The following ADGRG4 variants were observed in gnomAD, a reference collection of about 807,000 sequenced individuals.
The protein encoded by ADGRG4 is adhesion G protein-coupled receptor G4.
Under a neutral mutation model 126.2 loss-of-function variants are expected in ADGRG4, and 122 were observed. That is an observed-to-expected ratio of 0.97 (90% CI 0.83 to 1.12). The LOEUF (loss-of-function observed/expected upper bound fraction) is 1.12. ADGRG4 is among the 50% of genes most tolerant of loss of function. The pLI is 0.00. For missense variants in ADGRG4, 2,481 were observed against 2,251.8 expected, an observed-to-expected ratio of 1.10 and a Z score of -2.06; for synonymous variants, 943 against 838.7, an observed-to-expected ratio of 1.12 and a Z score of -2.15.
At chrX:136,378,055 TTGG>T (rs1270815398) in intron 15 of ADGRG4, among the ~76,000 whole-genome samples, 1 of 111,305 alleles carries the variant, frequency 9.0e-6, no homozygotes, top group Non-Finnish European at 1.9e-5. Flanking sequence ...GTTGAAGTTA[TTGG>T]TCAATTTTGG....
At chrX:136,363,360 A>G (rs1241778561) in intron 12 of ADGRG4, 117 bp from the exon 13 acceptor site, 5 of 548,106 alleles carry the variant, frequency 9.1e-6, no homozygotes, top group South Asian at 2.8e-5. Flanking sequence ...TTTGCTTTCT[A>G]TGCCAGGAGG....
rs758504607 is a variant in ADGRG4 at position 136,345,012 on chromosome X, G to T, written c.1306G>T (p.Glu436Ter). The T allele has an allele frequency of 8.3e-7, 1 of 1,211,339 alleles. No individual in the cohort carries two copies. Among genetic ancestry groups the T allele is most frequent in the East Asian group, 3.0e-5 (1 of 33,837 alleles). The stretch of plus-strand genomic sequence containing the variant: ...ACTCCCTATCTCCACAGCTGGCCAG[G>T]AGTTCATTGAATCTACAGCTGCCGG... ...GALPISTAGQ[E>*]FIESTAAGTV... Residue 436 changes from glutamate to a stop codon, truncating the protein, a stop_gained, in exon 6 of 26, where the codon GAG (glutamate) becomes TAG (stop). Coordinates refer to ENST00000394143, the MANE Select transcript of ADGRG4 (RefSeq NM_153834.4). LOFTEE classifies it high-confidence loss of function.
chrX:136,412,096 C>T (rs17002624), intron 23 of ADGRG4, among the ~76,000 whole-genome samples, 169 bp from the exon 24 acceptor site: 1,789 of 112,378 alleles, frequency 0.016, 33 homozygotes, highest in African/African-American at 0.054. Context: ...TTGATATAGA[C>T]ATTTTTGCCT....
intron 20 of ADGRG4, among the ~76,000 whole-genome samples, chrX:136,398,368 A>G (rs774479728): frequency 8.9e-6 from 1 of 112,348 alleles, no homozygotes; most frequent in African/African-American, 3.2e-5. Context: ...TATCAGATAA[A>G]AGACTTGTAT....
At position 136,395,475 on chromosome X, in the gene ADGRG4, C is replaced by T. The variant is rs1473004445; in HGVS notation, c.8166C>T (p.Thr2722=). 1 of 1,168,755 alleles carries T rather than the reference C, an allele frequency of 8.6e-7. No individual in the cohort carries two copies. Among genetic ancestry groups the T allele is most frequent in the African/African-American group, 1.8e-5 (1 of 56,237 alleles). The change falls in exon 19 of 26, where the codon ACC becomes ACT. Residue 2722 remains threonine (T), a synonymous_variant. Transcript: ENST00000394143. ...NYTICQCDHL[T]HFGVLMDLSR... ...CAATCTGTCAGTGTGACCACCTCAC[C>T]CATTTTGGAGTCTTAATGGTGAGTT... is the stretch of plus-strand genomic sequence containing the variant.
intron 5 of ADGRG4, among the ~76,000 whole-genome samples, chrX:136,325,996 C>A (rs763015729): frequency 8.9e-6 from 1 of 112,392 alleles, no homozygotes; most frequent in East Asian, 2.8e-4. Context: ...CAGGCGTGAG[C>A]CAATGCACCC....
At chrX:136,393,674 A>T in intron 18 of ADGRG4, 94 bp downstream of exon 18, 1 of 597,153 alleles carries the variant, frequency 1.7e-6, no homozygotes, top group South Asian at 2.7e-5. Flanking sequence ...CTACTGTCTT[A>T]TCAGACCCTA....
intron 14 of ADGRG4, among the ~76,000 whole-genome samples, chrX:136,372,478 C>T (rs1285097086): frequency 1.8e-5 from 2 of 111,626 alleles, no homozygotes; most frequent in Non-Finnish European, 3.8e-5. Flanking sequence ...ATGTATATAT[C>T]AGGTCATGTC....
rs141744231 is a variant in ADGRG4, at chrX:136,347,762, C to T, written c.4056C>T (p.His1352=). The T allele has an allele frequency of 2.7e-4, 330 of 1,209,137 alleles. No individual in the cohort carries two copies. The African/African-American group carries it at 3.5e-3, about 13-fold the overall frequency. ...CCTCAAGTAACACAGTAGGTGTTCA[C>T]ATTCCAGAAATGTCTACCAGTCTTG... ...TLTSSNTVGV[H]IPEMSTSLGK... is the part of the protein sequence containing the mutation. The change falls in exon 6 of 26, where the codon CAC becomes CAT. Residue 1352 remains histidine, a synonymous_variant. Coordinates refer to ENST00000394143, the MANE Select transcript of ADGRG4 (RefSeq NM_153834.4).
chrX:136,320,109 G>T (rs1343752373), intron 4 of ADGRG4, among the ~76,000 whole-genome samples: 1 of 111,457 alleles, frequency 9.0e-6, no homozygotes, highest in Non-Finnish European at 1.9e-5. Flanking sequence ...AACTCTCCAT[G>T]ACTATAGAGG....
intron 5 of ADGRG4, among the ~76,000 whole-genome samples, chrX:136,323,766 C>T (rs1169523974): frequency 8.9e-6 from 1 of 111,768 alleles, no homozygotes; most frequent in Non-Finnish European, 1.9e-5. Flanking sequence ...TGATACAATA[C>T]TAACATCTAA....
Position 136,371,516 on chromosome X carries a change from G to T in ADGRG4, c.7585G>T (p.Ala2529Ser). The change falls in exon 14 of 26, where the codon GCC (alanine) becomes TCC (serine). Residue 2529 changes from alanine to serine, a missense_variant. Coordinates refer to ENST00000394143, the MANE Select transcript of ADGRG4 (RefSeq NM_153834.4). ...TGTTTTGGAAAAGCAAAACAATTCC[G>T]CCTCTGATCTGCATGAAATAAGCAA... Reference protein sequence around the residue: ...NVVLEKQNNSASDLHEISNEI... With the variant: ...NVVLEKQNNSSSDLHEISNEI... 1 of 1,180,809 alleles carries T rather than the reference G, an allele frequency of 8.5e-7. No homozygotes were observed. The highest frequency in any genetic ancestry group is 1.1e-6 in the Non-Finnish European group (1 of 876,749).
rs138895359 is a variant in ADGRG4, at chrX:136,322,868, G to A, written c.161G>A (p.Arg54Gln). Reference protein sequence around the residue: ...SLIDTIPELSRFTACIDLVFM... With the variant: ...SLIDTIPELSQFTACIDLVFM... ...ATAGATACCATTCCTGAACTCAGCC[G>A]ATTCACAGCATGCATTGATCTGGTA... The change falls in exon 5 of 26, where the codon CGA (arginine) becomes CAA (glutamine). Residue 54 changes from arginine (R) to glutamine (Q), a missense_variant. Physicochemically the swap from Arg to Gln is conservative, Grantham distance 43. Coordinates refer to ENST00000394143, the MANE Select transcript of ADGRG4 (RefSeq NM_153834.4). The A allele has an allele frequency of 2.2e-3, 2,662 of 1,209,506 alleles. 43 individuals carry two copies. In the African/African-American group the frequency reaches 0.04, roughly 18 times the overall value.
Position 136,346,451 on chromosome X carries a change from G to A in ADGRG4, c.2745G>A (p.Leu915=), listed in dbSNP as rs1307378544. Residue 915 remains leucine, a synonymous_variant, in exon 6 of 26, where the codon TTG becomes TTA. Coordinates refer to ENST00000394143, the MANE Select transcript of ADGRG4 (RefSeq NM_153834.4). The part of the protein sequence containing the change: ...EVRESWLLTK[L]VKTTPRSSYN... ...GAGAAAGTTGGCTTTTGACAAAATT[G>A]GTGAAAACCACACCTAGGAGTTCAT... 3 of 1,211,050 alleles carry A rather than the reference G, an allele frequency of 2.5e-6. No individual in the cohort carries two copies. Among genetic ancestry groups the A allele is most frequent in the Non-Finnish European group, 1.1e-6 (1 of 895,027 alleles).
At chrX:136,391,846 G>A (rs2075321164) in intron 16 of ADGRG4, among the ~76,000 whole-genome samples, 1 of 112,785 alleles carries the variant, frequency 8.9e-6, no homozygotes, top group Middle Eastern at 4.6e-3. Flanking sequence ...TCTTATAGAG[G>A]AGCTCCCTAA....
chrX:136,374,164 A>ATT (rs140561186), intron 15 of ADGRG4, among the ~76,000 whole-genome samples: 2,116 of 103,228 alleles, frequency 0.02, 48 homozygotes, highest in African/African-American at 0.069. Flanking sequence ...ATGTAGCATA[A>ATT]TTTTTTTTTT....
chrX:136,355,222 TACACACACACACAC>T (rs10553631), intron 8 of ADGRG4, among the ~76,000 whole-genome samples: 5 of 100,191 alleles, frequency 5.0e-5, no homozygotes, highest in African/African-American at 1.8e-4. Flanking sequence ...AACATATGTG[TACACACACACACAC>T]ACACACACAC....
chrX:136,326,238 C>T (rs774776778), intron 5 of ADGRG4, among the ~76,000 whole-genome samples: 7 of 112,457 alleles, frequency 6.2e-5, no homozygotes, highest in Non-Finnish European at 1.1e-4. Context: ...GTTGACAAAG[C>T]CCCCGAAATC....
intron 4 of ADGRG4, among the ~76,000 whole-genome samples, chrX:136,310,770 A>G (rs1323762151): frequency 3.6e-5 from 4 of 111,686 alleles, no homozygotes; most frequent in African/African-American, 1.3e-4. Flanking sequence ...GAGCAGAGCC[A>G]GAAAGAAGAG....
Sources: allele counts gnomAD v4.1 joint callset (sites outside exome capture counted in the v4.1 genomes callset), GRCh38; gene constraint gnomAD v4.1.1; transcripts MANE v1.5; gene names NCBI Gene and HGNC (gene_info 2026-07-23, HGNC 2026-07-21).